ENTREP2: variants seen among roughly 807,000 people sequenced by gnomAD.
ENTREP2 encodes endosomal transmembrane epsin interactor 2, also known as protein ENTREP2.
At chr15:29,288,886 G>A in the ENTREP2 span, among the ~76,000 whole-genome samples, 23 of 152,068 alleles carry the variant, frequency 1.5e-4, no homozygotes, top group African/African-American at 4.1e-4. Flanking sequence ...ACTCAATGAC[G>A]GGATCATTTC....
the ENTREP2 span, among the ~76,000 whole-genome samples, chr15:29,343,926 C>A: frequency 6.6e-6 from 1 of 152,102 alleles, no homozygotes; most frequent in Non-Finnish European, 1.5e-5. Flanking sequence ...AGAGAATTAT[C>A]CAGGTTTATC....
chr15:29,327,650 AG>A, the ENTREP2 span, among the ~76,000 whole-genome samples: 1 of 152,296 alleles, frequency 6.6e-6, no homozygotes, highest in East Asian at 1.9e-4. Flanking sequence ...AAGAAGATAC[AG>A]GAACAGCAAA....
chr15:29,444,219 AAAG>A, the ENTREP2 span, among the ~76,000 whole-genome samples: 1 of 149,836 alleles, frequency 6.7e-6, no homozygotes, highest in South Asian at 2.1e-4. Flanking sequence ...AGAAAGAAAG[AAAG>A]AAAGAAAGAA....
the ENTREP2 span, among the ~76,000 whole-genome samples, chr15:29,578,755 T>C: frequency 6.6e-6 from 1 of 152,254 alleles, no homozygotes; most frequent in Non-Finnish European, 1.5e-5. Flanking sequence ...AGCACAGTCC[T>C]AGCAGATAGT....
the ENTREP2 span, among the ~76,000 whole-genome samples, chr15:29,416,767 C>A: frequency 1.3e-5 from 2 of 152,156 alleles, no homozygotes; most frequent in South Asian, 2.1e-4. Context: ...GGGCTCATAT[C>A]CAGAATCTAC....
At chr15:29,590,683 CAAAAAAAAAA>C in the ENTREP2 span, among the ~76,000 whole-genome samples, 15 of 75,334 alleles carry the variant, frequency 2.0e-4, no homozygotes, top group South Asian at 6.7e-4. Context: ...GACTCCGTCT[CAAAAAAAAAA>C]AAAAAAAAAA....
At chr15:29,151,772 A>T in the ENTREP2 span, 1 of 1,551,822 alleles carries the variant, frequency 6.4e-7, no homozygotes, top group South Asian at 1.2e-5. Context: ...TGCATACAGC[A>T]CATGGCTGTG....
At chr15:29,538,659 A>G in the ENTREP2 span, among the ~76,000 whole-genome samples, 3 of 136,966 alleles carry the variant, frequency 2.2e-5, no homozygotes, top group African/African-American at 8.0e-5. Flanking sequence ...AAAAAAAAAA[A>G]AGGTAGGGGC....
At chr15:29,477,781 G>A in the ENTREP2 span, among the ~76,000 whole-genome samples, 731 of 151,946 alleles carry the variant, frequency 4.8e-3, 3 homozygotes, top group African/African-American at 0.017. Context: ...TTGGGGAGGG[G>A]GTGGGTGTAC....
At chr15:29,674,103 C>T in the ENTREP2 span, among the ~76,000 whole-genome samples, 2 of 145,788 alleles carry the variant, frequency 1.4e-5, no homozygotes, top group Admixed American at 6.9e-5. Context: ...GTGTGGGACT[C>T]AGCCCTTCCC....
At chr15:29,377,241 A>G in the ENTREP2 span, among the ~76,000 whole-genome samples, 1 of 152,138 alleles carries the variant, frequency 6.6e-6, no homozygotes, top group Non-Finnish European at 1.5e-5. Flanking sequence ...TTTGCTTTCT[A>G]GGTCTTCCTT....
At chr15:29,308,233 G>A in the ENTREP2 span, among the ~76,000 whole-genome samples, 15 of 152,092 alleles carry the variant, frequency 9.9e-5, no homozygotes, top group Middle Eastern at 3.2e-3. Flanking sequence ...AAAATTAGCC[G>A]GGTGTGGTGG....
the ENTREP2 span, among the ~76,000 whole-genome samples, chr15:29,602,029 T>C: frequency 3.3e-5 from 5 of 152,234 alleles, no homozygotes; most frequent in African/African-American, 9.6e-5. Context: ...TATGCCATGG[T>C]AACTGTAATT....
At chr15:29,129,329 T>G in the ENTREP2 span, among the ~76,000 whole-genome samples, 1 of 152,198 alleles carries the variant, frequency 6.6e-6, no homozygotes, top group African/African-American at 2.4e-5. Context: ...CCTCCCAAAG[T>G]GCTGGGATTA....
the ENTREP2 span, among the ~76,000 whole-genome samples, chr15:29,336,765 G>A: frequency 6.6e-6 from 1 of 152,140 alleles, no homozygotes; most frequent in Non-Finnish European, 1.5e-5. Context: ...AAAAATGTCA[G>A]GCAGCTCTCC....
the ENTREP2 span, among the ~76,000 whole-genome samples, chr15:29,275,419 T>G: frequency 6.6e-6 from 1 of 152,214 alleles, no homozygotes; most frequent in African/African-American, 2.4e-5. Flanking sequence ...TTCAATACAT[T>G]CAGTGTGATT....
chr15:29,447,799 A>T, the ENTREP2 span, among the ~76,000 whole-genome samples: 1 of 151,662 alleles, frequency 6.6e-6, no homozygotes, highest in Non-Finnish European at 1.5e-5. Flanking sequence ...GTGGTGGCTC[A>T]CCCCTGTAAT....
chr15:29,198,370 C>T, the ENTREP2 span, among the ~76,000 whole-genome samples: 35 of 152,338 alleles, frequency 2.3e-4, no homozygotes, highest in Non-Finnish European at 3.7e-4. Context: ...TACATGCACA[C>T]ACAACATTAC....
the ENTREP2 span, among the ~76,000 whole-genome samples, chr15:29,339,159 T>A: frequency 1.3e-5 from 2 of 152,344 alleles, no homozygotes; most frequent in African/African-American, 4.8e-5. Flanking sequence ...CTAGTGGAGT[T>A]GGCACGAGAT....
Sources: allele counts gnomAD v4.1 joint callset (sites outside exome capture counted in the v4.1 genomes callset), GRCh38; gene constraint gnomAD v4.1.1; transcripts MANE v1.5; gene names NCBI Gene and HGNC (gene_info 2026-07-23, HGNC 2026-07-21).